DLGAP2: variants seen among roughly 807,000 people sequenced by gnomAD.
The protein encoded by DLGAP2 is disks large-associated protein 2.
Under a neutral mutation model 100.3 loss-of-function variants are expected in DLGAP2, and 26 were observed. The ratio of observed to expected loss-of-function variants is 0.26; its 90% confidence interval spans 0.19 to 0.36. The LOEUF is 0.36. Among genes scored for constraint, DLGAP2 ranks in the 10% least tolerant of loss-of-function variants. The pLI is 1.00. For missense variants in DLGAP2, 1,858 were observed against 1,453.2 expected (o/e 1.28, Z -4.53); for synonymous variants, 886 against 630.1 (o/e 1.41, Z -6.08).
chr8:1,409,218 C>T lies in DLGAP2; in HGVS notation c.107-92148C>T, dbSNP rs567283057. On this transcript the variant is annotated intron_variant, in intron 3 of 14. Transcript: ENST00000637795. ...TTGGACCACTGCCCAACTCCTTCCT[C>T]ACCATAGGAAGCCCATCTCCCCTTG... Among the ~76,000 whole-genome samples the T allele has an allele frequency of 4.6e-5, 7 of 151,992 alleles. No individual in the cohort carries two copies. The East Asian group carries it at 9.8e-4, about 21-fold the overall frequency.
At chr8:788,350 C>T (rs903758199) in intron 1 of DLGAP2, among the ~76,000 whole-genome samples, 1 of 152,122 alleles carries the variant, frequency 6.6e-6, no homozygotes, top group Non-Finnish European at 1.5e-5. Flanking sequence ...ATGGTCTGGT[C>T]GAGGCCTCGG....
rs112921722 is a variant in DLGAP2 at position 1,536,970 on chromosome 8, A to G, written c.173-11656A>G. Among the ~76,000 whole-genome samples, 738 of 152,006 alleles carry G rather than the reference A, an allele frequency of 4.9e-3. 6 individuals are homozygous for G. The highest frequency in any genetic ancestry group is 0.024 in the Middle Eastern group (7 of 294). ...ATGTTTACCTCTGTTGGCTCATTTA[A>G]TGCTCACCACGACCCTCCAAGGCCG... On this transcript the variant is annotated intron_variant, in intron 4 of 14. Transcript: ENST00000637795.
At chr8:1,128,304 T>C (rs6558416) in intron 2 of DLGAP2, among the ~76,000 whole-genome samples, 145,807 of 147,564 alleles carry the variant, frequency 0.99, 72,026 homozygotes, top group East Asian at 0.99. Flanking sequence ...GACCTGCTCC[T>C]GGTGTTGTGT....
chr8:769,938 C>T (rs761968156), intron 1 of DLGAP2, among the ~76,000 whole-genome samples: 34 of 145,666 alleles, frequency 2.3e-4, no homozygotes, highest in African/African-American at 5.6e-4. Context: ...GGGGTCATGC[C>T]GACCCCAGAG....
intron 2 of DLGAP2, among the ~76,000 whole-genome samples, chr8:1,209,382 A>T (rs1248824903): frequency 6.6e-6 from 1 of 152,230 alleles, no homozygotes; most frequent in Non-Finnish European, 1.5e-5. Context: ...TTTGTTTATT[A>T]GCTTTTTCCT....
chr8:1,534,787 TGTGA>T (rs3060467), intron 4 of DLGAP2, among the ~76,000 whole-genome samples: 21,646 of 152,180 alleles, frequency 0.14, 1,760 homozygotes, highest in Non-Finnish European at 0.17. Flanking sequence ...CGTGTACGTG[TGTGA>T]GTGTAAGTGT....
At chr8:1,577,159 G>A (rs895850857) in intron 6 of DLGAP2, among the ~76,000 whole-genome samples, 1 of 152,192 alleles carries the variant, frequency 6.6e-6, no homozygotes, top group African/African-American at 2.4e-5. Flanking sequence ...CACAAAAAAT[G>A]TGAAATATTT....
chr8:1,687,188 T>G (rs562222039), intron 12 of DLGAP2, among the ~76,000 whole-genome samples: 4 of 152,334 alleles, frequency 2.6e-5, no homozygotes, highest in Admixed American at 6.5e-5. Flanking sequence ...TCTCTGCAAA[T>G]TTTATAAAAA....
At chr8:1,544,306 A>G (rs1801460265) in intron 4 of DLGAP2, among the ~76,000 whole-genome samples, 1 of 152,178 alleles carries the variant, frequency 6.6e-6, no homozygotes, top group African/African-American at 2.4e-5. Context: ...TCTCATTGCT[A>G]ATGTATAGAA....
intron 3 of DLGAP2, among the ~76,000 whole-genome samples, chr8:1,270,299 C>T (rs1010659427): frequency 6.6e-6 from 1 of 152,178 alleles, no homozygotes; most frequent in African/African-American, 2.4e-5. Context: ...CCTGGAGCAA[C>T]AGCTCTGAAA....
chr8:1,038,708 G>T (rs572659408), intron 2 of DLGAP2, among the ~76,000 whole-genome samples: 1 of 152,260 alleles, frequency 6.6e-6, no homozygotes, highest in African/African-American at 2.4e-5. Context: ...AACCTTGAAA[G>T]GAATAATAGG....
Position 1,701,567 on chromosome 8 carries a change from G to C in DLGAP2, c.*161G>C, listed in dbSNP as rs1799572636. ...CAGCGGGACGCGGCCGGCGGCCTCA[G>C]AGTCCACGGAGCTCGCGGCGAGGAC... On this transcript the variant is annotated 3_prime_UTR_variant, in exon 15 of 15. Coordinates refer to ENST00000637795, the MANE Select transcript of DLGAP2 (RefSeq NM_001346810.2). 6 of 734,630 alleles carry C rather than the reference G, an allele frequency of 8.2e-6. No homozygotes were observed. The highest frequency in any genetic ancestry group is 6.5e-6 in the Non-Finnish European group (3 of 464,578). The allele number at this position is 734,630 out of a possible 1,614,324, so 45.5% of individuals were successfully genotyped here.
At chr8:930,407 G>A (rs1798928527) in intron 2 of DLGAP2, among the ~76,000 whole-genome samples, 1 of 152,182 alleles carries the variant, frequency 6.6e-6, no homozygotes, top group South Asian at 2.1e-4. Flanking sequence ...CCTGTGCTGG[G>A]GTGCACACCA....
At chr8:1,018,110 C>T (rs367722037) in intron 2 of DLGAP2, among the ~76,000 whole-genome samples, 2 of 151,412 alleles carry the variant, frequency 1.3e-5, no homozygotes, top group African/African-American at 2.4e-5. Context: ...CTCACATGAC[C>T]CCTGCCCCTA....
chr8:1,423,305 C>G (rs529179667), intron 3 of DLGAP2, among the ~76,000 whole-genome samples: 47 of 152,152 alleles, frequency 3.1e-4, no homozygotes, highest in South Asian at 1.0e-3. Flanking sequence ...GTCCATGGGA[C>G]AGACAGGTTC....
At chr8:1,226,419 A>G (rs150136921) in intron 2 of DLGAP2, among the ~76,000 whole-genome samples, 2 of 152,288 alleles carry the variant, frequency 1.3e-5, no homozygotes, top group African/African-American at 4.8e-5. Flanking sequence ...GAGCTGAACA[A>G]TGAGAAGGTA....
intron 1 of DLGAP2, among the ~76,000 whole-genome samples, chr8:822,815 G>T (rs1339181452): frequency 6.6e-6 from 1 of 152,200 alleles, no homozygotes; most frequent in African/African-American, 2.4e-5. Flanking sequence ...GGACGCCACA[G>T]TGACCACTGC....
chr8:1,120,943 T>C (rs1796027142), intron 2 of DLGAP2, among the ~76,000 whole-genome samples: 1 of 150,994 alleles, frequency 6.6e-6, no homozygotes, highest in Non-Finnish European at 1.5e-5. Context: ...CCTGCCATCC[T>C]TATCCCTTTA....
intron 1 of DLGAP2, among the ~76,000 whole-genome samples, chr8:826,378 C>G (rs1261485913): frequency 6.6e-6 from 1 of 152,190 alleles, no homozygotes; most frequent in African/African-American, 2.4e-5. Flanking sequence ...CCCTGCTTCA[C>G]TCATGTCTGT....
Sources: allele counts gnomAD v4.1 joint callset (sites outside exome capture counted in the v4.1 genomes callset), GRCh38; gene constraint gnomAD v4.1.1; transcripts MANE v1.5; gene names NCBI Gene and HGNC (gene_info 2026-07-23, HGNC 2026-07-21).